Variants in ATP8A2 observed in about 807,000 individuals in gnomAD.
ATP8A2 encodes ATPase phospholipid transporting 8A2.
In ATP8A2, 100 loss-of-function variants were observed where a neutral mutation model predicts 165.6. The observed-to-expected ratio is 0.60, with a 90% confidence interval of 0.51 to 0.71. ATP8A2 has a LOEUF of 0.71. ATP8A2 is among the 30% of genes least tolerant of loss of function. The pLI, the probability that ATP8A2 is intolerant of heterozygous loss-of-function variation, is 0.00. For synonymous variants in ATP8A2, 543 were observed against 548.8 expected (o/e 0.99, Z 0.15); for missense variants, 1,227 against 1,479.5 (o/e 0.83, Z 2.80).
intron 23 of ATP8A2, among the ~76,000 whole-genome samples, chr13:25,588,780 A>G (rs557476519): frequency 6.6e-6 from 1 of 152,332 alleles, no homozygotes; most frequent in Non-Finnish European, 1.5e-5. Flanking sequence ...CTAACCCCCC[A>G]AGGCACTGAG....
intron 35 of ATP8A2, among the ~76,000 whole-genome samples, chr13:25,987,615 C>G (rs772404058): frequency 6.6e-6 from 1 of 152,190 alleles, no homozygotes; most frequent in African/African-American, 2.4e-5. Context: ...ACATAAGGCC[C>G]AGAGAGGATC....
Position 25,953,055 on chromosome 13 carries a change from C to T in ATP8A2, c.3184-8520C>T, listed in dbSNP as rs1026541056. On this transcript the variant is annotated intron_variant, in intron 33 of 36. Coordinates refer to ENST00000381655, the MANE Select transcript of ATP8A2 (RefSeq NM_016529.6). This position sits in a 1 kb window ranked among gnomAD's most constrained non-coding sequence, Gnocchi z 6.7. ...AAGGAGGGCTGAGAAGAGAAGGTGG[C>T]AATGGCAACTGCAAGGGTTCTTCCA... is the stretch of plus-strand genomic sequence containing the variant. 2.6e-5 allele frequency among the ~76,000 whole-genome samples: 4 copies of T among 152,178 alleles called. No homozygotes were observed. Among genetic ancestry groups the T allele is most frequent in the African/African-American group, 7.2e-5 (3 of 41,450 alleles).
At chr13:25,573,193 G>T (rs1035308595) in intron 18 of ATP8A2, among the ~76,000 whole-genome samples, 5 of 152,136 alleles carry the variant, frequency 3.3e-5, no homozygotes, top group Admixed American at 3.3e-4. Context: ...TTTCAGTTGT[G>T]TGGGTGCCAC....
In ATP8A2 at chr13:25,535,844, A is replaced by T. The variant is rs551748963; in HGVS notation, c.508-2144A>T. On this transcript the variant is annotated intron_variant, in intron 6 of 36. Transcript: ENST00000381655. ...ACAGAAAACAAACAACCAAAAAAAA[A>T]TTTTTTTTCAAGCAAAATCCAAGTA... Among the ~76,000 whole-genome samples the T allele has an allele frequency of 3.0e-4, 46 of 151,934 alleles. 1 individual carries two copies. The highest frequency in any genetic ancestry group is 2.3e-3 in the South Asian group (11 of 4,772).
intron 33 of ATP8A2, among the ~76,000 whole-genome samples, chr13:25,928,904 G>A (rs939090542): frequency 4.6e-5 from 7 of 152,284 alleles, no homozygotes; most frequent in East Asian, 3.9e-4. Context: ...AGGATGCCAC[G>A]GGTGAACAGT....
chr13:25,434,597 C>A (rs2034704314), intron 1 of ATP8A2, among the ~76,000 whole-genome samples: 1 of 152,200 alleles, frequency 6.6e-6, no homozygotes, highest in African/African-American at 2.4e-5. Context: ...GATCCGCCTG[C>A]TTCGGCCTTC....
At chr13:25,801,514 A>G (rs976698479) in intron 27 of ATP8A2, among the ~76,000 whole-genome samples, 2 of 152,082 alleles carry the variant, frequency 1.3e-5, no homozygotes, top group Non-Finnish European at 2.9e-5. Flanking sequence ...TCTCCTGAAG[A>G]TGGTACTTCT....
At chr13:25,683,626 G>A (rs927723045) in intron 24 of ATP8A2, among the ~76,000 whole-genome samples, 2 of 152,012 alleles carry the variant, frequency 1.3e-5, no homozygotes, top group South Asian at 2.1e-4. Flanking sequence ...TTCTGTGAAA[G>A]CCTGTTCAAG....
At chr13:25,680,448 C>T (rs2137802906) in intron 24 of ATP8A2, among the ~76,000 whole-genome samples, 1 of 152,270 alleles carries the variant, frequency 6.6e-6, no homozygotes, top group Non-Finnish European at 1.5e-5. Context: ...ATTCAGATTT[C>T]TAGCCCCAGG....
chr13:25,517,722 C>G (rs1264211905), intron 2 of ATP8A2, among the ~76,000 whole-genome samples: 2 of 152,216 alleles, frequency 1.3e-5, no homozygotes, highest in Non-Finnish European at 2.9e-5. Context: ...AAAGCAGTAT[C>G]TGACACCCCT....
rs540738845 is a variant in ATP8A2, at chr13:25,849,983, G to A, written c.2957-10212G>A. On this transcript the variant is annotated intron_variant, in intron 30 of 36. Transcript: ENST00000381655. Reference sequence around the variant, plus strand: ...TAGTATTTTATCAAACCAAGCACATGGAGAACTTGTGTTACCTTTTCTGTT... The same window carrying A: ...TAGTATTTTATCAAACCAAGCACATAGAGAACTTGTGTTACCTTTTCTGTT... Among the ~76,000 whole-genome samples, 4 of 152,314 alleles carry A rather than the reference G, an allele frequency of 2.6e-5. No individual in the cohort carries two copies. The South Asian group carries it at 8.3e-4, about 32-fold the overall frequency.
intron 1 of ATP8A2, among the ~76,000 whole-genome samples, chr13:25,427,312 A>G (rs549860464): frequency 5.1e-4 from 77 of 151,316 alleles, no homozygotes; most frequent in Non-Finnish European, 8.4e-4. Context: ...ACTGTCTCCC[A>G]TCACCCCCAG....
At chr13:25,810,372 G>A (rs1221784543) in intron 27 of ATP8A2, among the ~76,000 whole-genome samples, 3 of 152,118 alleles carry the variant, frequency 2.0e-5, no homozygotes, top group Non-Finnish European at 4.4e-5. Context: ...TTTCCTCGGG[G>A]AACCCTCCTT....
rs1186324727 is a variant in ATP8A2, at chr13:25,699,228, A to G, written c.2267A>G (p.Lys756Arg). ...HCTDLGNLLG[K>R]ENDVALIIDG... ...ACTGACCTTGGGAATTTGCTGGGCA[A>G]GGAAAATGACGTGGCCCTGATCATC... Residue 756 changes from lysine to arginine, a missense_variant, in exon 25 of 37, where the codon AAG (lysine) becomes AGG (arginine). This residue lies in a region of ATP8A2 where 592 missense variants were observed against 785.6 expected (regional missense o/e 0.75). Coordinates refer to ENST00000381655, the MANE Select transcript of ATP8A2 (RefSeq NM_016529.6). 1 of 1,613,398 alleles carries G rather than the reference A, an allele frequency of 6.2e-7. No homozygotes were observed. The highest frequency in any genetic ancestry group is 1.1e-5 in the South Asian group (1 of 90,848).
intron 16 of ATP8A2, among the ~76,000 whole-genome samples, chr13:25,569,008 A>T (rs144354432): frequency 5.3e-4 from 81 of 152,258 alleles, no homozygotes; most frequent in African/African-American, 1.9e-3. Flanking sequence ...TTGTGTGTGC[A>T]ATTCTTTATA....
chr13:25,577,271 G>A (rs2039646215), intron 20 of ATP8A2, 133 bp downstream of exon 20: 1 of 790,632 alleles, frequency 1.3e-6, no homozygotes, highest in East Asian at 2.5e-5. Context: ...GGTAGGCTGT[G>A]AAGTTGACTT....
chr13:25,694,652 C>T (rs1322700176), intron 24 of ATP8A2, among the ~76,000 whole-genome samples: 1 of 152,150 alleles, frequency 6.6e-6, no homozygotes, highest in African/African-American at 2.4e-5. Context: ...GTTTGAGATT[C>T]AGAATTACAA....
chr13:25,894,698 C>T (rs1167239610), intron 33 of ATP8A2, among the ~76,000 whole-genome samples: 3 of 152,208 alleles, frequency 2.0e-5, no homozygotes, highest in Non-Finnish European at 4.4e-5. Flanking sequence ...TTTGTATCCT[C>T]TTTTATTTCC....
intron 33 of ATP8A2, among the ~76,000 whole-genome samples, chr13:25,926,091 T>C (rs1954597641): frequency 6.6e-6 from 1 of 152,220 alleles, no homozygotes; most frequent in Non-Finnish European, 1.5e-5. Context: ...GAGTGTATTT[T>C]TATGCTGTTT....
Sources: allele counts gnomAD v4.1 joint callset (sites outside exome capture counted in the v4.1 genomes callset), GRCh38; gene constraint gnomAD v4.1.1; regional missense constraint gnomAD v4.1.1; non-coding constraint Gnocchi (gnomAD v3.1); transcripts MANE v1.5; gene names NCBI Gene and HGNC (gene_info 2026-07-23, HGNC 2026-07-21).